HCRTR2: variants seen among roughly 807,000 people sequenced by gnomAD.
HCRTR2 encodes the protein orexin receptor type 2.
A neutral mutation model predicts 49.0 loss-of-function variants in HCRTR2; 22 were observed. That is an observed-to-expected ratio of 0.45 (90% CI 0.32 to 0.64). The LOEUF (loss-of-function observed/expected upper bound fraction) is 0.64, where lower values mean the gene tolerates loss of function less well. Among genes scored for constraint, HCRTR2 ranks in the 30% least tolerant of loss-of-function variants. The probability of loss-of-function intolerance (pLI) is 0.04; values close to 1 mark genes in which losing one functional copy is unlikely to be tolerated. For synonymous variants in HCRTR2, 236 were observed against 205.3 expected, an observed-to-expected ratio of 1.15 and a Z score of -1.28; for missense variants, 491 against 559.4, an observed-to-expected ratio of 0.88 and a Z score of 1.23.
intron 1 of HCRTR2, among the ~76,000 whole-genome samples, chr6:55,167,840 T>C (rs1291333973): frequency 1.3e-5 from 2 of 152,176 alleles, no homozygotes; most frequent in African/African-American, 2.4e-5. Context: ...CCATTTATTA[T>C]TTTGAAAAGA....
chr6:55,132,462 A>G (rs1337260319), intron 1 of HCRTR2, among the ~76,000 whole-genome samples: 1 of 151,956 alleles, frequency 6.6e-6, no homozygotes, highest in Non-Finnish European at 1.5e-5. Flanking sequence ...AGGAATATTG[A>G]CACACTATGC....
intron 5 of HCRTR2, 60 bp from the exon 6 acceptor site, chr6:55,280,263 T>C: frequency 8.8e-7 from 1 of 1,133,714 alleles, no homozygotes; most frequent in East Asian, 2.4e-5. Flanking sequence ...ACCAATAGCC[T>C]TGTTCACCTT....
intron 1 of HCRTR2, among the ~76,000 whole-genome samples, chr6:55,184,502 T>A (rs1765184501): frequency 6.6e-6 from 1 of 152,170 alleles, no homozygotes. Flanking sequence ...TCCAACTAAA[T>A]CCCCACTTCT....
intron 4 of HCRTR2, among the ~76,000 whole-genome samples, chr6:55,272,421 G>C (rs1766990091): frequency 6.6e-6 from 1 of 152,066 alleles, no homozygotes; most frequent in African/African-American, 2.4e-5. Context: ...AAATGTTCTA[G>C]ATTAGTTAGT....
chr6:55,278,659 A>G (rs998992702), intron 5 of HCRTR2, among the ~76,000 whole-genome samples: 3 of 151,870 alleles, frequency 2.0e-5, no homozygotes, highest in African/African-American at 7.2e-5. Flanking sequence ...TCCTTGAGAC[A>G]TATGCCAGCT....
At chr6:55,108,032 C>T (rs984752563) in intron 1 of HCRTR2, among the ~76,000 whole-genome samples, 1 of 152,048 alleles carries the variant, frequency 6.6e-6, no homozygotes, top group Admixed American at 6.6e-5. Flanking sequence ...AAAATTGATA[C>T]ATGTTAACTT....
intron 1 of HCRTR2, among the ~76,000 whole-genome samples, chr6:55,182,593 A>C (rs1238117741): frequency 2.0e-5 from 3 of 151,880 alleles, no homozygotes; most frequent in Non-Finnish European, 4.4e-5. Flanking sequence ...ACCCCAACCC[A>C]CCCCCAGCTT....
intron 1 of HCRTR2, among the ~76,000 whole-genome samples, chr6:55,189,239 T>C (rs773677551): frequency 8.5e-5 from 13 of 152,172 alleles, no homozygotes; most frequent in African/African-American, 1.9e-4. Context: ...TATCAGAGTT[T>C]CCTAAAGGGA....
chr6:55,230,967 T>A (rs190971300), intron 1 of HCRTR2, among the ~76,000 whole-genome samples: 3 of 152,114 alleles, frequency 2.0e-5, no homozygotes, highest in Admixed American at 6.6e-5. Context: ...ATCTAATCTT[T>A]TCCATAATTA....
At chr6:55,188,130 AG>A (rs1182295080) in intron 1 of HCRTR2, among the ~76,000 whole-genome samples, 1 of 152,190 alleles carries the variant, frequency 6.6e-6, no homozygotes, top group Non-Finnish European at 1.5e-5. Context: ...TTGACAGTAC[AG>A]CTATGCTAGT....
At chr6:55,198,936 A>T (rs1002087971) in intron 1 of HCRTR2, among the ~76,000 whole-genome samples, 1 of 152,202 alleles carries the variant, frequency 6.6e-6, no homozygotes, top group African/African-American at 2.4e-5. Flanking sequence ...TCAGGCCTGT[A>T]ACACAATAGG....
At chr6:55,164,769 A>AT (rs919674250) in intron 1 of HCRTR2, among the ~76,000 whole-genome samples, 1 of 144,810 alleles carries the variant, frequency 6.9e-6, no homozygotes, top group Admixed American at 6.8e-5. Flanking sequence ...AACTTAAAGT[A>AT]TTAAAAAAAA....
chr6:55,274,811 T>G (rs1365929646), intron 4 of HCRTR2, among the ~76,000 whole-genome samples: 1 of 152,188 alleles, frequency 6.6e-6, no homozygotes, highest in Non-Finnish European at 1.5e-5. Context: ...TGTCTTTTGT[T>G]GCCATATCTT....
chr6:55,190,482 G>A (rs1765297830), intron 1 of HCRTR2, among the ~76,000 whole-genome samples: 1 of 152,142 alleles, frequency 6.6e-6, no homozygotes, highest in African/African-American at 2.4e-5. Context: ...ACAGGTAAGT[G>A]TATGGTGGCC....
intron 1 of HCRTR2, among the ~76,000 whole-genome samples, chr6:55,215,354 A>G (rs1765768971): frequency 6.6e-6 from 1 of 152,216 alleles, no homozygotes; most frequent in Non-Finnish European, 1.5e-5. Context: ...AATGAAGGAG[A>G]ATAAAGGATA....
intron 1 of HCRTR2, among the ~76,000 whole-genome samples, chr6:55,175,992 G>A (rs73743280): frequency 0.025 from 3,769 of 152,198 alleles, 163 homozygotes; most frequent in African/African-American, 0.085. Context: ...AGGTGAGTGA[G>A]GTGAGATAGG....
chr6:55,109,645 G>A (rs556217901), intron 1 of HCRTR2, among the ~76,000 whole-genome samples: 26 of 151,168 alleles, frequency 1.7e-4, no homozygotes, highest in Non-Finnish European at 2.7e-4. Flanking sequence ...ACAAGGATTT[G>A]AATTAACACA....
At chr6:55,253,700 A>T (rs2127315838) in intron 2 of HCRTR2, among the ~76,000 whole-genome samples, 1 of 152,304 alleles carries the variant, frequency 6.6e-6, no homozygotes, top group African/African-American at 2.4e-5. Flanking sequence ...TGCAACCATA[A>T]AAAAGAATGA....
intron 1 of HCRTR2, among the ~76,000 whole-genome samples, chr6:55,110,518 A>G (rs1349181287): frequency 6.6e-6 from 1 of 152,142 alleles, no homozygotes; most frequent in African/African-American, 2.4e-5. Context: ...AACTTAAGGT[A>G]AAGGAGTAGA....
Sources: gnomAD v4.1 joint callset for allele counts (sites outside exome capture counted in the v4.1 genomes callset) on GRCh38, gnomAD v4.1.1 for gene constraint, MANE v1.5 for transcripts, NCBI Gene and HGNC (gene_info 2026-07-23, HGNC 2026-07-21) for gene names.